LRGUK: variants seen among roughly 807,000 people sequenced by gnomAD.
LRGUK encodes leucine-rich repeat and guanylate kinase domain-containing protein.
Under a neutral mutation model 76.0 loss-of-function variants are expected in LRGUK, and 65 were observed. The observed-to-expected ratio is 0.85, with a 90% CI of 0.70 to 1.05. The LOEUF (loss-of-function observed/expected upper bound fraction) is 1.05. Ranked by LOEUF, LRGUK falls within the 50% of genes least tolerant of loss-of-function variation. The probability of loss-of-function intolerance (pLI) is 0.00; values close to 1 mark genes in which losing one functional copy is unlikely to be tolerated. For synonymous variants in LRGUK, 268 were observed against 265.6 expected, an observed-to-expected ratio of 1.01 and a Z score of -0.09; for missense variants, 758 against 732.8, an observed-to-expected ratio of 1.03 and a Z score of -0.40.
chr7:134,259,183 A>G lies in LRGUK; in HGVS notation c.2347+778A>G, dbSNP rs556722567. Among the ~76,000 whole-genome samples, 10 of 152,256 alleles carry G rather than the reference A, an allele frequency of 6.6e-5. No homozygotes were observed. In the South Asian group the frequency reaches 2.1e-3, roughly 32 times the overall value. On this transcript the variant is annotated intron_variant, in intron 19 of 19. Coordinates refer to the LRGUK transcript ENST00000285928. Reference sequence around the variant, plus strand: ...CTTTTTGCCCCTAGATCCCAAACACACATGTGAACATGCATGTCCAGAAAG... The same window carrying G: ...CTTTTTGCCCCTAGATCCCAAACACGCATGTGAACATGCATGTCCAGAAAG...
At chr7:134,157,990 A>T in intron 5 of LRGUK, 45 bp from the exon 6 acceptor site, 1 of 1,565,268 alleles carries the variant, frequency 6.4e-7, no homozygotes, top group South Asian at 1.2e-5. Context: ...TTTTCTTCCA[A>T]ATGCTTTTAA....
intron 19 of LRGUK, among the ~76,000 whole-genome samples, chr7:134,262,769 G>A (rs937719276): frequency 1.3e-5 from 2 of 151,992 alleles, no homozygotes; most frequent in East Asian, 1.9e-4. Flanking sequence ...GGAATTCAAC[G>A]TTAGCCTGGC....
At chr7:134,247,943 T>A (rs1256966940) in intron 17 of LRGUK, among the ~76,000 whole-genome samples, 5 of 152,236 alleles carry the variant, frequency 3.3e-5, no homozygotes, top group Non-Finnish European at 7.3e-5. Flanking sequence ...TTAACTATCG[T>A]CTATCCTTTC....
intron 18 of LRGUK, among the ~76,000 whole-genome samples, chr7:134,250,353 T>A (rs1359708784): frequency 6.6e-6 from 1 of 152,202 alleles, no homozygotes; most frequent in Non-Finnish European, 1.5e-5. Flanking sequence ...CACCAAAATA[T>A]TATGTTATTA....
At chr7:134,217,458 A>G (rs1437440390) in intron 15 of LRGUK, among the ~76,000 whole-genome samples, 1 of 152,284 alleles carries the variant, frequency 6.6e-6, no homozygotes. Flanking sequence ...TCACTTTCCC[A>G]TATATAACAT....
chr7:134,164,957 T>C (rs999916722), intron 7 of LRGUK, among the ~76,000 whole-genome samples: 1 of 152,214 alleles, frequency 6.6e-6, no homozygotes, highest in Admixed American at 6.5e-5. Context: ...TCTTAGGAAG[T>C]CCACACAATC....
At chr7:134,135,910 C>G (rs1797518998) in intron 1 of LRGUK, among the ~76,000 whole-genome samples, 1 of 152,200 alleles carries the variant, frequency 6.6e-6, no homozygotes, top group African/African-American at 2.4e-5. Flanking sequence ...CCCACCTTGG[C>G]CTCCCAAAGT....
Position 134,137,003 on chromosome 7 carries a change from C to T in LRGUK, c.298-20C>T. ...CTAATGAGAATCTTTTCTTTGTCTA[C>T]CTTTCTGGGTTTTTTACAGGAGGAA... On this transcript the variant is annotated intron_variant, in intron 1 of 15. Transcript: ENST00000645682. 2 of 1,554,378 alleles carry T rather than the reference C, an allele frequency of 1.3e-6. No individual in the cohort carries two copies. The highest frequency in any genetic ancestry group is 1.8e-6 in the Non-Finnish European group (2 of 1,128,460).
chr7:134,192,999 A>G (rs1800322539), intron 12 of LRGUK, among the ~76,000 whole-genome samples: 1 of 152,164 alleles, frequency 6.6e-6, no homozygotes, highest in Non-Finnish European at 1.5e-5. Flanking sequence ...TTCATTGTAC[A>G]AAATCATGGA....
At chr7:134,190,489 T>C (rs1800157143) in intron 11 of LRGUK, among the ~76,000 whole-genome samples, 1 of 152,256 alleles carries the variant, frequency 6.6e-6, no homozygotes, top group African/African-American at 2.4e-5. Context: ...ATTGCAGGAA[T>C]AAGCTACTGT....
chr7:134,205,122 A>AT (rs1385969036), intron 15 of LRGUK, among the ~76,000 whole-genome samples: 2 of 152,074 alleles, frequency 1.3e-5, no homozygotes, highest in African/African-American at 4.8e-5. Flanking sequence ...TTATTCCCTT[A>AT]TTTGTCCAGG....
chr7:134,233,098 T>C (rs1801939353), intron 16 of LRGUK, among the ~76,000 whole-genome samples: 1 of 152,228 alleles, frequency 6.6e-6, no homozygotes, highest in Admixed American at 6.5e-5. Flanking sequence ...GCAACACTCA[T>C]GTATAGGTTA....
At chr7:134,235,837 T>A (rs182602482) in intron 16 of LRGUK, among the ~76,000 whole-genome samples, 1 of 152,294 alleles carries the variant, frequency 6.6e-6, no homozygotes, top group East Asian at 1.9e-4. Context: ...AGTAATCAAG[T>A]CCTAGGTTAT....
At chr7:134,155,814 G>A (rs1435558691) in intron 5 of LRGUK, among the ~76,000 whole-genome samples, 1 of 152,156 alleles carries the variant, frequency 6.6e-6, no homozygotes, top group Non-Finnish European at 1.5e-5. Flanking sequence ...AAGTAGTAAA[G>A]TTGGGATAAT....
At chr7:134,234,089 C>T (rs943111159) in intron 16 of LRGUK, among the ~76,000 whole-genome samples, 1 of 152,112 alleles carries the variant, frequency 6.6e-6, no homozygotes, top group South Asian at 2.1e-4. Flanking sequence ...ATTGGACACC[C>T]CTGCTCTAAA....
the LRGUK span, among the ~76,000 whole-genome samples, chr7:134,272,728 T>C: frequency 6.6e-6 from 1 of 152,170 alleles, no homozygotes; most frequent in Non-Finnish European, 1.5e-5. Context: ...TGAATGACAG[T>C]ACTATCATTT....
chr7:134,238,398 C>T (rs1802062002), intron 16 of LRGUK, among the ~76,000 whole-genome samples: 1 of 152,094 alleles, frequency 6.6e-6, no homozygotes, highest in Non-Finnish European at 1.5e-5. Context: ...AAATATTCAT[C>T]ATTTTCTCTT....
intron 15 of LRGUK, among the ~76,000 whole-genome samples, chr7:134,207,341 G>A (rs1043567060): frequency 2.6e-5 from 4 of 151,964 alleles, no homozygotes; most frequent in Non-Finnish European, 5.9e-5. Context: ...TGGTAACCTC[G>A]AATCTACTTT....
rs148771403 is a variant in LRGUK at position 134,197,051 on chromosome 7, C to T, written c.1491C>T (p.Thr497=). 74 of 1,611,882 alleles carry T rather than the reference C, an allele frequency of 4.6e-5. No homozygotes were observed. In the Admixed American group the frequency reaches 8.0e-4, roughly 17 times the overall value. ...ACAAGTATGGATTAAATAGGGACAC[C>T]GTAGAAGGTATCGCAAGAGATGGTT... The change falls in exon 13 of 16, where the codon ACC becomes ACT. Residue 497 remains threonine (T), a synonymous_variant. Transcript: ENST00000645682.
Sources: gnomAD v4.1 joint callset for allele counts (sites outside exome capture counted in the v4.1 genomes callset) on GRCh38, gnomAD v4.1.1 for gene constraint, MANE v1.5 for transcripts, NCBI Gene and HGNC (gene_info 2026-07-23, HGNC 2026-07-21) for gene names.